KATNA1: variants seen among roughly 807,000 people sequenced by gnomAD.
KATNA1 encodes the protein katanin p60 ATPase-containing subunit A1.
Under a neutral mutation model 62.6 loss-of-function variants are expected in KATNA1, and 42 were observed. The observed-to-expected ratio is 0.67, with a 90% confidence interval of 0.52 to 0.87. The LOEUF (loss-of-function observed/expected upper bound fraction) is 0.87, where lower values mean the gene tolerates loss of function less well. KATNA1 is among the 40% of genes least tolerant of loss of function. The pLI, the probability that KATNA1 is intolerant of heterozygous loss-of-function variation, is 0.00. For missense variants in KATNA1, 498 were observed against 612.5 expected, an observed-to-expected ratio of 0.81 and a Z score of 1.97; for synonymous variants, 186 against 201.9, an observed-to-expected ratio of 0.92 and a Z score of 0.67.
chr6:149,631,994 T>TTTAGAAAATTTAGCAAAA (rs1779858423), intron 3 of KATNA1, among the ~76,000 whole-genome samples: 1 of 152,206 alleles, frequency 6.6e-6, no homozygotes, highest in Non-Finnish European at 1.5e-5. Context: ...TTTTAGCAAA[T>TTTAGAAAATTTAGCAAAA]TTAGAAAAAT....
intron 7 of KATNA1, among the ~76,000 whole-genome samples, chr6:149,600,588 G>A (rs1387273439): frequency 6.6e-6 from 1 of 151,954 alleles, no homozygotes; most frequent in Non-Finnish European, 1.5e-5. Context: ...AGCCGAGATT[G>A]CAACACTGCA....
At chr6:149,632,358 A>G (rs1289205783) in intron 3 of KATNA1, among the ~76,000 whole-genome samples, 2 of 147,020 alleles carry the variant, frequency 1.4e-5, no homozygotes, top group Admixed American at 1.4e-4. Context: ...CTCGTGACAG[A>G]GTGAGACTCT....
chr6:149,625,255 G>T (rs900772546), intron 3 of KATNA1, among the ~76,000 whole-genome samples: 2 of 152,186 alleles, frequency 1.3e-5, no homozygotes, highest in Non-Finnish European at 2.9e-5. Context: ...TGAGATGTTT[G>T]TGATTACAAA....
intron 3 of KATNA1, among the ~76,000 whole-genome samples, chr6:149,631,075 C>T (rs892240003): frequency 6.6e-6 from 1 of 152,232 alleles, no homozygotes; most frequent in African/African-American, 2.4e-5. Flanking sequence ...GTTCAGGACA[C>T]TGTGGGTGTA....
chr6:149,634,637 C>T (rs556268334), intron 2 of KATNA1, among the ~76,000 whole-genome samples: 37 of 152,298 alleles, frequency 2.4e-4, no homozygotes, highest in Non-Finnish European at 4.1e-4. Context: ...TCTCAAAGTG[C>T]TGGGATTACA....
intron 2 of KATNA1, among the ~76,000 whole-genome samples, chr6:149,633,819 G>C (rs527957802): frequency 6.6e-6 from 1 of 152,096 alleles, no homozygotes; most frequent in South Asian, 2.1e-4. Context: ...AGCCGGGTGT[G>C]GTGGCACATG....
At position 149,632,801 on chromosome 6, in the gene KATNA1, G is replaced by T. The variant is rs975080160; in HGVS notation, c.278C>A (p.Ser93Tyr). Reference protein sequence around the residue: ...LKAAQHDLPASEGEVWSMPVP... With the variant: ...LKAAQHDLPAYEGEVWSMPVP... ...AGGCATGGACCAGACTTCTCCCTCA[G>T]AAGCTGGAAGGTCATGCTGTGCCGC... Residue 93 changes from serine to tyrosine, a missense_variant, in exon 3 of 11, where the codon TCT (serine) becomes TAT (tyrosine). Physicochemically the swap from Ser to Tyr is moderately radical, Grantham distance 144. Around this residue, in one of 3 missense-constraint regions of KATNA1, gnomAD observed 203 missense variants for 198.4 expected, o/e 1.02. Transcript: ENST00000367411. The T allele has an allele frequency of 1.9e-5, 31 of 1,613,632 alleles. 1 individual carries two copies. The highest frequency in any genetic ancestry group is 2.5e-5 in the Non-Finnish European group (30 of 1,179,924).
At chr6:149,617,825 A>G (rs1051921658) in intron 4 of KATNA1, among the ~76,000 whole-genome samples, 2 of 151,982 alleles carry the variant, frequency 1.3e-5, no homozygotes, top group African/African-American at 4.8e-5. Context: ...AGTCTCAGCT[A>G]CTTGGGAGTC....
At chr6:149,597,711 T>G in intron 8 of KATNA1, 70 bp from the exon 9 acceptor site, 1 of 1,443,688 alleles carries the variant, frequency 6.9e-7, no homozygotes. Flanking sequence ...CTCAGCTATT[T>G]AAAGATCAAC....
intron 2 of KATNA1, among the ~76,000 whole-genome samples, chr6:149,634,403 T>C (rs1779989948): frequency 6.6e-6 from 1 of 152,180 alleles, no homozygotes; most frequent in East Asian, 1.9e-4. Flanking sequence ...CCCATGCCTG[T>C]AGTCCTGCCT....
chr6:149,615,132 CAAAA>C (rs893824279), intron 4 of KATNA1, among the ~76,000 whole-genome samples: 2 of 45,644 alleles, frequency 4.4e-5, no homozygotes, highest in Non-Finnish European at 8.5e-5. Context: ...GACTCTGTCT[CAAAA>C]AAAAAAAAAA....
chr6:149,622,771 G>C (rs1333538637), intron 4 of KATNA1, among the ~76,000 whole-genome samples: 1 of 122,354 alleles, frequency 8.2e-6, no homozygotes, highest in South Asian at 3.3e-4. Context: ...AGGGGGGCGG[G>C]GGGTGGGGCG....
chr6:149,614,295 G>A (rs1331714313), intron 4 of KATNA1, among the ~76,000 whole-genome samples: 1 of 152,166 alleles, frequency 6.6e-6, no homozygotes, highest in Non-Finnish European at 1.5e-5. Flanking sequence ...GGGCAGCTAT[G>A]GTTGCACCCC....
intron 7 of KATNA1, 54 bp from the exon 8 acceptor site, chr6:149,598,404 A>G: frequency 1.9e-6 from 3 of 1,571,478 alleles, no homozygotes; most frequent in Non-Finnish European, 2.6e-6. Context: ...TTCATTTTAA[A>G]ATAATCTACA....
intron 4 of KATNA1, among the ~76,000 whole-genome samples, chr6:149,611,462 C>CAAAAAAAA (rs1179618459): frequency 1.2e-4 from 4 of 34,594 alleles, no homozygotes; most frequent in South Asian, 1.0e-3. Context: ...AACTCTGTCT[C>CAAAAAAAA]AAAAAAAAAA....
At chr6:149,603,674 T>G (rs1401579788) in intron 5 of KATNA1, among the ~76,000 whole-genome samples, 2 of 152,220 alleles carry the variant, frequency 1.3e-5, no homozygotes, top group African/African-American at 4.8e-5. Context: ...CCTGCTCTTA[T>G]GGTCCTCATT....
chr6:149,641,330 C>T (rs1780276480), intron 1 of KATNA1, among the ~76,000 whole-genome samples: 1 of 151,878 alleles, frequency 6.6e-6, no homozygotes, highest in South Asian at 2.1e-4. Context: ...GCGCCCACCA[C>T]CACGCTCGGC....
At position 149,635,952 on chromosome 6, in the gene KATNA1, G is replaced by A. The variant is rs954511113; in HGVS notation, c.162+2434C>T. ...CTCCTGTAATCCCAGCTACTCGGGA[G>A]TCTGAGGCAGAAGAATCACTTGAAC... On this transcript the variant is annotated intron_variant, in intron 2 of 10. Coordinates refer to ENST00000367411, the MANE Select transcript of KATNA1 (RefSeq NM_007044.4). Among the ~76,000 whole-genome samples the A allele has an allele frequency of 1.1e-4, 16 of 151,882 alleles. No individual in the cohort carries two copies. The East Asian group carries it at 2.9e-3, about 28-fold the overall frequency.
upstream of KATNA1, chr6:149,648,845 G>T (rs1582822180): frequency 6.6e-6 from 1 of 152,298 alleles, no homozygotes; most frequent in East Asian, 1.9e-4. Flanking sequence ...CGGAGACCAG[G>T]GATAGTATAG....
Sources: allele counts gnomAD v4.1 joint callset (sites outside exome capture counted in the v4.1 genomes callset), GRCh38; gene constraint gnomAD v4.1.1; regional missense constraint gnomAD v4.1.1; transcripts MANE v1.5; gene names NCBI Gene and HGNC (gene_info 2026-07-23, HGNC 2026-07-21).